Variants in SYCP1 observed in about 807,000 individuals in gnomAD.
SYCP1 encodes cancer/testis antigen 8.
In SYCP1, 64 loss-of-function variants were observed where a neutral mutation model predicts 153.1. The observed-to-expected ratio is 0.42, with a 90% confidence interval of 0.34 to 0.51. The LOEUF is 0.51. Ranked by LOEUF, SYCP1 falls within the 20% of genes least tolerant of loss-of-function variation. The pLI is 0.06. For missense variants in SYCP1, 997 were observed against 1,049.0 expected, an observed-to-expected ratio of 0.95 and a Z score of 0.68; for synonymous variants, 384 against 341.8, an observed-to-expected ratio of 1.12 and a Z score of -1.36.
intron 27 of SYCP1, among the ~76,000 whole-genome samples, chr1:114,965,177 T>C (rs1318713068): frequency 6.6e-6 from 1 of 152,260 alleles, no homozygotes; most frequent in African/African-American, 2.4e-5. Context: ...TATTGGTGTA[T>C]AAGAATGCTT....
At chr1:114,947,760 C>T (rs969523755) in intron 27 of SYCP1, among the ~76,000 whole-genome samples, 1 of 128,876 alleles carries the variant, frequency 7.8e-6, no homozygotes, top group African/African-American at 2.9e-5. Context: ...TTGCAGCAGC[C>T]GAGATCGCGC....
chr1:114,947,043 C>G (rs1236922175), intron 26 of SYCP1, among the ~76,000 whole-genome samples: 1 of 152,088 alleles, frequency 6.6e-6, no homozygotes, highest in Non-Finnish European at 1.5e-5. Flanking sequence ...GCCACTGCAC[C>G]CAGCCCAAAA....
At position 114,886,035 on chromosome 1, in the gene SYCP1, G is replaced by A. The variant is rs190987824; in HGVS notation, c.1006-90G>A. ...ATAGGAAAATATGAGGGTGGGAAAG[G>A]GGCAGTGAATGTATAGAAGCAGATA... On this transcript the variant is annotated intron_variant, in intron 13 of 31. Transcript: ENST00000369522. 2.2e-5 allele frequency: 17 copies of A among 780,618 alleles called. No individual in the cohort carries two copies. The Admixed American group carries it at 3.0e-4, about 14-fold the overall frequency. 48.4% of individuals were successfully genotyped at this position (780,618 alleles called of 1,614,324 possible). A position where few individuals can be genotyped will look rare whatever the true frequency, so the allele number is the denominator to read the frequency against.
chr1:114,925,338 T>C (rs1557805043), intron 21 of SYCP1, among the ~76,000 whole-genome samples: 1 of 152,108 alleles, frequency 6.6e-6, no homozygotes, highest in African/African-American at 2.4e-5. Flanking sequence ...AATAAAATCC[T>C]CCATTAAGAA....
intron 23 of SYCP1, among the ~76,000 whole-genome samples, chr1:114,937,609 A>G (rs1304371804): frequency 1.3e-5 from 2 of 152,182 alleles, no homozygotes; most frequent in Non-Finnish European, 2.9e-5. Context: ...TGAACAGGCA[A>G]CCTACAGAAT....
chr1:114,893,297 A>G (rs193182918), intron 15 of SYCP1, among the ~76,000 whole-genome samples: 1 of 151,238 alleles, frequency 6.6e-6, no homozygotes, highest in East Asian at 2.0e-4. Context: ...CTGTATCTCC[A>G]TCTGTATCTG....
At chr1:114,977,675 AG>A in intron 28 of SYCP1, 59 bp downstream of exon 28, 1 of 1,103,346 alleles carries the variant, frequency 9.1e-7, no homozygotes, top group East Asian at 2.9e-5. Context: ...ACTTCTACTT[AG>A]AAATGATTTT....
upstream of SYCP1, chr1:114,854,843 C>G (rs1230917517): frequency 6.6e-6 from 1 of 152,216 alleles, no homozygotes; most frequent in East Asian, 1.9e-4. Context: ...GTTATTTAGC[C>G]GTTGAACTGC....
At position 114,858,584 on chromosome 1, in the gene SYCP1, A is replaced by G. The variant is rs1557748720; in HGVS notation, c.329A>G (p.Tyr110Cys). ...EGLSRVYSKL[Y>C]KEAEKIKKWK... ...TTGAGCAGAGTGTATTCAAAACTGT[A>G]TAAGGAGGCTGAAAAGATAAAAAAA... Residue 110 changes from tyrosine to cysteine, a missense_variant, in exon 6 of 32, where the codon TAT becomes TGT. Coordinates refer to ENST00000369522, the MANE Select transcript of SYCP1 (RefSeq NM_003176.4). 6.2e-7 allele frequency: 1 copy of G among 1,612,290 alleles called. No homozygotes were observed. The highest frequency in any genetic ancestry group is 8.5e-7 in the Non-Finnish European group (1 of 1,179,068).
intron 27 of SYCP1, among the ~76,000 whole-genome samples, chr1:114,976,064 G>C (rs899878021): frequency 6.6e-6 from 1 of 151,774 alleles, no homozygotes; most frequent in Non-Finnish European, 1.5e-5. Flanking sequence ...TGAAAAAATA[G>C]TGGCATTATA....
At chr1:114,969,501 A>G (rs1672341772) in intron 27 of SYCP1, among the ~76,000 whole-genome samples, 1 of 152,116 alleles carries the variant, frequency 6.6e-6, no homozygotes, top group Non-Finnish European at 1.5e-5. Context: ...TCCCCCAACA[A>G]GCTCAAGCAT....
intron 27 of SYCP1, among the ~76,000 whole-genome samples, chr1:114,954,236 G>A (rs1671288259): frequency 6.6e-6 from 1 of 151,944 alleles, no homozygotes; most frequent in Non-Finnish European, 1.5e-5. Flanking sequence ...AAATCTTTTA[G>A]CAATTTTAAA....
At chr1:114,897,842 G>T (rs990957574) in intron 16 of SYCP1, among the ~76,000 whole-genome samples, 8 of 152,132 alleles carry the variant, frequency 5.3e-5, no homozygotes, top group African/African-American at 1.4e-4. Flanking sequence ...CTCTGTTCTT[G>T]CATCCCTGAG....
intron 8 of SYCP1, among the ~76,000 whole-genome samples, chr1:114,867,261 T>G (rs1293464689): frequency 6.6e-6 from 1 of 152,180 alleles, no homozygotes; most frequent in Admixed American, 6.5e-5. Flanking sequence ...CATATAAACT[T>G]TAGAATCAGT....
chr1:114,986,904 C>G (rs1284179324), intron 30 of SYCP1, among the ~76,000 whole-genome samples: 1 of 152,042 alleles, frequency 6.6e-6, no homozygotes, highest in Non-Finnish European at 1.5e-5. Flanking sequence ...ATGATAGCAG[C>G]TACCAGTCTC....
At chr1:114,864,718 G>A in intron 8 of SYCP1, among the ~76,000 whole-genome samples, 1 of 152,104 alleles carries the variant, frequency 6.6e-6, no homozygotes, top group Middle Eastern at 3.4e-3. Context: ...AAACTCCTGG[G>A]CTCAAGTGAT....
chr1:114,948,763 A>G (rs1670909175), intron 27 of SYCP1, among the ~76,000 whole-genome samples: 1 of 152,212 alleles, frequency 6.6e-6, no homozygotes, highest in Non-Finnish European at 1.5e-5. Context: ...TTAAAGGACT[A>G]ACAAAATGGC....
At chr1:114,977,872 C>T (rs1280169292) in intron 28 of SYCP1, among the ~76,000 whole-genome samples, 4 of 151,414 alleles carry the variant, frequency 2.6e-5, no homozygotes, top group Non-Finnish European at 5.9e-5. Context: ...AGGTTTCAGT[C>T]TTTCTCTACA....
chr1:114,876,369 T>A (rs1363496319), intron 10 of SYCP1, among the ~76,000 whole-genome samples: 2 of 151,040 alleles, frequency 1.3e-5, no homozygotes. Flanking sequence ...CTAATTTTAT[T>A]TTTTTTTTAG....
Sources: allele counts gnomAD v4.1 joint callset (sites outside exome capture counted in the v4.1 genomes callset), GRCh38; gene constraint gnomAD v4.1.1; transcripts MANE v1.5; gene names NCBI Gene and HGNC (gene_info 2026-07-23, HGNC 2026-07-21).